The following COL6A2 variants were observed in gnomAD, a reference collection of about 807,000 sequenced individuals.
COL6A2 encodes the protein collagen type VI alpha 2 chain.
A neutral mutation model predicts 124.9 loss-of-function variants in COL6A2; 90 were observed. The ratio of observed to expected loss-of-function variants is 0.72; its 90% CI spans 0.61 to 0.86. The LOEUF is 0.86. COL6A2 is among the 40% of genes least tolerant of loss of function. COL6A2 has a pLI of 0.00. For missense variants in COL6A2, 1,607 were observed against 1,502.5 expected (o/e 1.07, Z -1.15); for synonymous variants, 793 against 618.2 (o/e 1.28, Z -4.19).
intron 21 of COL6A2, 56 bp downstream of exon 21, chr21:46,122,993 T>G: frequency 6.5e-7 from 1 of 1,527,878 alleles, no homozygotes; most frequent in Non-Finnish European, 9.1e-7. Context: ...GGAGGGGCCC[T>G]GAGGCTGAGC....
At position 46,126,080 on chromosome 21, in the gene COL6A2, G is replaced by T. The variant is rs367994212; in HGVS notation, c.2265G>T (p.Thr755=). The T allele has an allele frequency of 6.2e-7, 1 of 1,612,904 alleles. No individual in the cohort carries two copies. The highest frequency in any genetic ancestry group is 8.5e-7 in the Non-Finnish European group (1 of 1,180,004). Reference sequence around the variant, plus strand: ...TGTGCGACCGCGACGTCACAGTGACGGCCATCGGCATCGGGGACATGTTCC... The same window carrying T: ...TGTGCGACCGCGACGTCACAGTGACTGCCATCGGCATCGGGGACATGTTCC... ...RALCDRDVTV[T]AIGIGDMFHE... is the part of the protein sequence containing the mutation. Residue 755 remains threonine (T), a synonymous_variant, in exon 26 of 28, where the codon ACG becomes ACT. Coordinates refer to ENST00000300527, the MANE Select transcript of COL6A2 (RefSeq NM_001849.4).
rs2078467269 is a variant in COL6A2 at position 46,116,154 on chromosome 21, C to A, written c.900+101C>A. ...CTCGGCCTCAGCCTCTACGACCCTC[C>A]CCCCAGTTACCAAGGAACAGAAGCA... On this transcript the variant is annotated intron_variant, in intron 7 of 27. Coordinates refer to ENST00000300527, the MANE Select transcript of COL6A2 (RefSeq NM_001849.4). The surrounding 1 kb of genome is among the most constrained non-coding windows in gnomAD (Gnocchi z 4.6). 2 of 1,281,208 alleles carry A rather than the reference C, an allele frequency of 1.6e-6. No individual in the cohort carries two copies. Among genetic ancestry groups the A allele is most frequent in the Non-Finnish European group, 2.2e-6 (2 of 902,422 alleles). The allele number at this position is 1,281,208 out of a possible 1,614,324, so 79.4% of individuals were successfully genotyped here.
In COL6A2 at chr21:46,116,926, T is replaced by TATACAC. The variant is rs147352816; in HGVS notation, c.999+113_999+114insTACACA. The stretch of plus-strand genomic sequence containing the variant: ...CAGCTTACACATGTGTACACACGCA[T>TATACAC]ACACACACACACACACACACACACA... On this transcript the variant is annotated intron_variant, in intron 10 of 27. Coordinates refer to ENST00000300527, the MANE Select transcript of COL6A2 (RefSeq NM_001849.4). The surrounding 1 kb of genome is among the most constrained non-coding windows in gnomAD (Gnocchi z 4.6). 9.1e-5 allele frequency: 58 copies of TATACAC among 639,328 alleles called. No homozygotes were observed. Among genetic ancestry groups the TATACAC allele is most frequent in the South Asian group, 7.3e-4 (40 of 54,990 alleles). 39.6% of individuals were successfully genotyped at this position (639,328 alleles called of 1,614,324 possible). A position where few individuals can be genotyped will look rare whatever the true frequency, so the allele number is the denominator to read the frequency against.
intron 27 of COL6A2, among the ~76,000 whole-genome samples, chr21:46,131,605 G>A (rs908535085): frequency 6.6e-6 from 1 of 152,166 alleles, no homozygotes; most frequent in Non-Finnish European, 1.5e-5. Context: ...GCCCTTTTGT[G>A]GGCAGCAAAT....
At chr21:46,126,786 C>T (rs2078676949) in intron 27 of COL6A2, among the ~76,000 whole-genome samples, 1 of 152,182 alleles carries the variant, frequency 6.6e-6, no homozygotes. Context: ...TGCTGCTAGC[C>T]TGGCGCTGTG....
At chr21:46,119,998 C>T (rs939189418) in intron 15 of COL6A2, 148 bp downstream of exon 15, 4 of 769,162 alleles carry the variant, frequency 5.2e-6, no homozygotes, top group East Asian at 2.7e-5. Flanking sequence ...TCTGGGAATG[C>T]AGCCCTGAGA....
chr21:46,123,420 G>A (rs1486508596), intron 21 of COL6A2, among the ~76,000 whole-genome samples: 1 of 151,972 alleles, frequency 6.6e-6, no homozygotes, highest in African/African-American at 2.4e-5. Flanking sequence ...GGTGCTCTGT[G>A]CCTCCAAATC....
chr21:46,101,785 C>G (rs1373095535), intron 1 of COL6A2, among the ~76,000 whole-genome samples: 1 of 147,714 alleles, frequency 6.8e-6, no homozygotes, highest in Non-Finnish European at 1.5e-5. Context: ...ATGACTGCAG[C>G]TTTGTAGTAA....
chr21:46,122,403 G>A, intron 19 of COL6A2, 93 bp from the exon 20 acceptor site: 1 of 1,537,042 alleles, frequency 6.5e-7, no homozygotes, highest in Non-Finnish European at 9.0e-7. Context: ...GAATGAGCGA[G>A]GGAGGGAAAC....
intron 15 of COL6A2, 121 bp downstream of exon 15, chr21:46,119,971 G>A: frequency 9.0e-6 from 8 of 886,404 alleles, no homozygotes; most frequent in Non-Finnish European, 1.5e-5. Context: ...ACTCTCCAGA[G>A]TTCACTCTCT....
At chr21:46,121,762 G>A (rs562445894) in intron 18 of COL6A2, 144 bp downstream of exon 18, 2 of 820,522 alleles carry the variant, frequency 2.4e-6, no homozygotes, top group African/African-American at 3.4e-5. Context: ...GCTCTGGAGT[G>A]AGGGGATGCC....
chr21:46,124,826 G>T (rs887885881), intron 22 of COL6A2, 59 bp from the exon 23 acceptor site: 7 of 1,607,638 alleles, frequency 4.4e-6, no homozygotes, highest in Admixed American at 3.3e-5. Flanking sequence ...AGTGGCCTGG[G>T]AGAGACTCAG....
At chr21:46,115,984 C>T (rs753939131) in intron 6 of COL6A2, 25 bp from the exon 7 acceptor site, 2 of 1,611,938 alleles carry the variant, frequency 1.2e-6, no homozygotes, top group Non-Finnish European at 1.7e-6. Flanking sequence ...GGGCTGGGCT[C>T]ACACTGCTGC....
At chr21:46,129,033 G>A (rs2078718901) in intron 27 of COL6A2, 2 of 1,601,774 alleles carry the variant, frequency 1.2e-6, no homozygotes, top group African/African-American at 1.3e-5. Context: ...CACGCCTCCT[G>A]CCAAGGCCGA....
At position 46,132,474 on chromosome 21, in the gene COL6A2, CG is replaced by C; in HGVS notation, c.2983del (p.Ala995ProfsTer45). 6.2e-7 allele frequency: 1 copy of C among 1,606,536 alleles called. No individual in the cohort carries two copies. On this transcript the variant is annotated frameshift_variant, in exon 28 of 28. Coordinates refer to ENST00000300527, the MANE Select transcript of COL6A2 (RefSeq NM_001849.4). LOFTEE classifies it high-confidence loss of function. ...LTTLSLGDRA[A>X]VFHEKDYDSL... Reference sequence around the variant, plus strand: ...CCACGCTCAGCCTGGGTGACCGCGCCGCCGTGTTCCACGAGAAGGACTATGA... The same window carrying C: ...CCACGCTCAGCCTGGGTGACCGCGCCCCGTGTTCCACGAGAAGGACTATGA...
intron 5 of COL6A2, 114 bp from the exon 6 acceptor site, chr21:46,115,758 G>A: frequency 1.1e-6 from 1 of 933,120 alleles, no homozygotes; most frequent in Non-Finnish European, 1.7e-6. Flanking sequence ...CTCCACTTGG[G>A]CAGGGGAATC....
intron 25 of COL6A2, 43 bp downstream of exon 25, chr21:46,125,660 C>A: frequency 6.7e-7 from 1 of 1,495,192 alleles, no homozygotes. Flanking sequence ...GGGGGCCGGG[C>A]GGGGCGTGGG....
intron 27 of COL6A2, 103 bp downstream of exon 27, chr21:46,126,644 G>T: frequency 2.1e-6 from 3 of 1,415,650 alleles, no homozygotes; most frequent in South Asian, 2.4e-5. Context: ...CAGGGACCCG[G>T]GGGGCGGCGG....
At chr21:46,109,600 C>A (rs1048439330) in intron 1 of COL6A2, among the ~76,000 whole-genome samples, 4 of 152,188 alleles carry the variant, frequency 2.6e-5, no homozygotes, top group Admixed American at 6.5e-5. Context: ...CAGCACCCCC[C>A]CAAGCCTCCC....
Sources: gnomAD v4.1 joint callset for allele counts (sites outside exome capture counted in the v4.1 genomes callset) on GRCh38, gnomAD v4.1.1 for gene constraint, Gnocchi (gnomAD v3.1) non-coding constraint, MANE v1.5 for transcripts, NCBI Gene and HGNC (gene_info 2026-07-23, HGNC 2026-07-21) for gene names.